Variants in MAP3K19 observed in about 807,000 individuals in gnomAD.
The protein encoded by MAP3K19 is SPS1/STE20-related protein kinase YSK4.
MAP3K19 carries 91 observed loss-of-function variants against 114.4 expected under a neutral mutation model. That is an observed-to-expected ratio of 0.80 (90% CI 0.67 to 0.95). The LOEUF (loss-of-function observed/expected upper bound fraction) is 0.95, where lower values mean the gene tolerates loss of function less well. MAP3K19 is among the 40% of genes least tolerant of loss of function. The pLI, the probability that MAP3K19 is intolerant of heterozygous loss-of-function variation, is 0.00. For synonymous variants in MAP3K19, 518 were observed against 530.5 expected, an observed-to-expected ratio of 0.98 and a Z score of 0.32; for missense variants, 1,471 against 1,573.2, an observed-to-expected ratio of 0.94 and a Z score of 1.10.
Position 135,024,740 on chromosome 2 carries a change from C to A in MAP3K19, c.-93G>T, listed in dbSNP as rs945002675. 1.0e-5 allele frequency: 11 copies of A among 1,095,454 alleles called. No homozygotes were observed. Among genetic ancestry groups the A allele is most frequent in the Non-Finnish European group, 1.2e-5 (9 of 724,408 alleles). 67.9% of individuals were successfully genotyped at this position (1,095,454 alleles called of 1,614,324 possible). On this transcript the variant is annotated splice_region_variant and 5_prime_UTR_variant, in exon 4 of 13. Transcript: ENST00000392915. ...CCACTAAAATCACAAAGTTTAGGAT[C>A]TCTAGGAAGAACAGAATCAACATTA...
rs144127723 is a variant in MAP3K19, at chr2:134,987,538, C to T, written c.1334G>A (p.Ser445Asn). The T allele has an allele frequency of 4.3e-4, 692 of 1,614,216 alleles. No homozygotes were observed. The highest frequency in any genetic ancestry group is 8.2e-4 in the Middle Eastern group (5 of 6,062). ...ATCAATGGGGTCATCAAAGACTACA[C>T]TGGATAAGCTTTTAAGTACAGTACA... ...EECTVLKSLS[S>N]VVFDDPIDKL... Residue 445 changes from serine to asparagine, a missense_variant, in exon 10 of 13, where the codon AGT (serine) becomes AAT (asparagine). Transcript: ENST00000392915.
chr2:134,979,604 A>C (rs1684480844), intron 12 of MAP3K19, among the ~76,000 whole-genome samples: 1 of 149,100 alleles, frequency 6.7e-6, no homozygotes, highest in Admixed American at 6.7e-5. Flanking sequence ...ATATCAAACT[A>C]GTACTTGTCT....
chr2:134,993,588 T>A (rs1428155245), intron 8 of MAP3K19, among the ~76,000 whole-genome samples: 3 of 152,190 alleles, frequency 2.0e-5, no homozygotes, highest in Admixed American at 2.0e-4. Context: ...GAAGTTAATC[T>A]AGAAATACAA....
At chr2:134,966,968 A>G (rs1283510368) in intron 12 of MAP3K19, among the ~76,000 whole-genome samples, 1 of 152,182 alleles carries the variant, frequency 6.6e-6, no homozygotes, top group Non-Finnish European at 1.5e-5. Flanking sequence ...CTCCATTTTG[A>G]AAAAGGCCTG....
intron 12 of MAP3K19, among the ~76,000 whole-genome samples, chr2:134,965,452 G>T (rs1331375996): frequency 6.6e-6 from 1 of 152,142 alleles, no homozygotes; most frequent in African/African-American, 2.4e-5. Flanking sequence ...GTACTATTGT[G>T]GCATAGTTTT....
At chr2:135,046,915 A>G (rs1012512787) in intron 1 of MAP3K19, among the ~76,000 whole-genome samples, 1 of 152,238 alleles carries the variant, frequency 6.6e-6, no homozygotes, top group South Asian at 2.1e-4. Flanking sequence ...AATTCAATGA[A>G]GGCAAGTGTT....
chr2:134,969,185 CAA>C (rs200293354), intron 12 of MAP3K19, among the ~76,000 whole-genome samples: 1 of 150,852 alleles, frequency 6.6e-6, no homozygotes, highest in South Asian at 2.1e-4. Flanking sequence ...CCGTCTCCAC[CAA>C]AAAAAAATAC....
chr2:135,042,791 T>C (rs1688672124), intron 1 of MAP3K19, among the ~76,000 whole-genome samples: 1 of 150,730 alleles, frequency 6.6e-6, no homozygotes, highest in Admixed American at 6.6e-5. Flanking sequence ...GAAACAAAAA[T>C]TTGAATGTGG....
intron 3 of MAP3K19, among the ~76,000 whole-genome samples, chr2:135,026,675 C>T (rs1280879448): frequency 6.6e-6 from 1 of 152,170 alleles, no homozygotes; most frequent in Admixed American, 6.5e-5. Flanking sequence ...TATCTCCTCC[C>T]TCCTAAAAGA....
chr2:134,991,279 T>C (rs1053578529), intron 9 of MAP3K19: 58 of 432,378 alleles, frequency 1.3e-4, no homozygotes, highest in Non-Finnish European at 5.2e-5. Flanking sequence ...CTAGCCTGGG[T>C]GACAGAGTGA....
intron 2 of MAP3K19, among the ~76,000 whole-genome samples, chr2:135,037,269 A>T (rs1688552545): frequency 6.6e-6 from 1 of 152,212 alleles, no homozygotes. Flanking sequence ...AAGTGCTGGG[A>T]TTACAGGCGT....
At chr2:135,002,383 T>C (rs1214814479) in intron 6 of MAP3K19, among the ~76,000 whole-genome samples, 2 of 151,994 alleles carry the variant, frequency 1.3e-5, no homozygotes, top group African/African-American at 4.8e-5. Context: ...AATTATTTTC[T>C]CCAGAAAAGC....
At chr2:134,969,982 C>T (rs149559567) in intron 12 of MAP3K19, among the ~76,000 whole-genome samples, 40 of 141,012 alleles carry the variant, frequency 2.8e-4, no homozygotes, top group African/African-American at 1.1e-3. Context: ...TCTATTTTTA[C>T]ACCAATACCA....
In MAP3K19 at chr2:134,981,416, G is replaced by A; in HGVS notation, c.3325C>T (p.Gln1109Ter). The change falls in exon 12 of 13, where the codon CAG (glutamine) becomes TAG (stop). Residue 1109 changes from glutamine (Q) to a stop codon, truncating the protein, a stop_gained. Transcript: ENST00000392915. LOFTEE classifies it high-confidence loss of function. ...GCTTTGAGCAAATCTACTTCTTCCT[G>A]TAGTTTCCGGTATTCCTTTTCAGCA... ...LAAEKEYRKL[Q>*]EEVDLLKALK... 6.2e-7 allele frequency: 1 copy of A among 1,614,194 alleles called. No homozygotes were observed. Among genetic ancestry groups the A allele is most frequent in the Non-Finnish European group, 8.5e-7 (1 of 1,180,034 alleles).
At chr2:134,989,276 G>A (rs1160380350) in intron 9 of MAP3K19, among the ~76,000 whole-genome samples, 1 of 152,094 alleles carries the variant, frequency 6.6e-6, no homozygotes, top group African/African-American at 2.4e-5. Flanking sequence ...TTTCATTGTG[G>A]TCTTTTCCTG....
At chr2:134,984,433 A>C (rs1157986392) in intron 10 of MAP3K19, among the ~76,000 whole-genome samples, 1 of 152,152 alleles carries the variant, frequency 6.6e-6, no homozygotes, top group East Asian at 1.9e-4. Flanking sequence ...ATAATATACA[A>C]ACCAACAATG....
Position 134,980,868 on chromosome 2 carries a change from G to T in MAP3K19, c.3873C>A (p.Asp1291Glu). The stretch of plus-strand genomic sequence containing the variant: ...AGTCTGCTGCATTTTCTGAGAAGTG[G>T]TCTGGTAAAGGAGGCATCAGCCCTC... ...AHRGLMPPLPDHFSENAADFV... is the reference protein window; with the variant it reads ...AHRGLMPPLPEHFSENAADFV... Residue 1291 changes from aspartate (D) to glutamate (E), a missense_variant, in exon 12 of 13, where the codon GAC becomes GAA. Coordinates refer to ENST00000392915, the MANE Select transcript of MAP3K19 (RefSeq NM_025052.5). 2 of 1,614,210 alleles carry T rather than the reference G, an allele frequency of 1.2e-6. No individual in the cohort carries two copies. The highest frequency in any genetic ancestry group is 1.1e-5 in the South Asian group (1 of 91,086).
At chr2:134,969,605 G>T (rs1329155758) in intron 12 of MAP3K19, among the ~76,000 whole-genome samples, 2 of 152,100 alleles carry the variant, frequency 1.3e-5, no homozygotes. Flanking sequence ...CATTCAACAG[G>T]TCGTCTCTTC....
In MAP3K19 at chr2:134,986,220, G is replaced by A. The variant is rs1255307915; in HGVS notation, c.2652C>T (p.Ser884=). The A allele has an allele frequency of 1.2e-6, 2 of 1,613,804 alleles. No homozygotes were observed. The highest frequency in any genetic ancestry group is 2.2e-5 in the East Asian group (1 of 44,874). Reference sequence around the variant, plus strand: ...ACTCTAGATCATTAGTTAAAATTCGGCTGGCATTTACTTTACTAAGAGATG... The same window carrying A: ...ACTCTAGATCATTAGTTAAAATTCGACTGGCATTTACTTTACTAAGAGATG... The part of the protein sequence containing the change: ...NTASLSKVNA[S]RILTNDLEFD... Residue 884 remains serine, a synonymous_variant, in exon 10 of 13, where the codon AGC becomes AGT. Coordinates refer to ENST00000392915, the MANE Select transcript of MAP3K19 (RefSeq NM_025052.5).
Sources: gnomAD v4.1 joint callset for allele counts (sites outside exome capture counted in the v4.1 genomes callset) on GRCh38, gnomAD v4.1.1 for gene constraint, MANE v1.5 for transcripts, NCBI Gene and HGNC (gene_info 2026-07-23, HGNC 2026-07-21) for gene names.